The following ARHGAP15 variants were observed in gnomAD, a reference collection of about 807,000 sequenced individuals.
ARHGAP15 encodes rho GTPase-activating protein 15.
In ARHGAP15, 51 loss-of-function variants were observed where a neutral mutation model predicts 63.7. The ratio of observed to expected loss-of-function variants is 0.80; its 90% CI spans 0.64 to 1.01. The LOEUF (loss-of-function observed/expected upper bound fraction) is 1.01. Among genes scored for constraint, ARHGAP15 ranks in the 50% least tolerant of loss-of-function variants. The pLI, the probability that ARHGAP15 is intolerant of heterozygous loss-of-function variation, is 0.00. For missense variants in ARHGAP15, 560 were observed against 564.6 expected (o/e 0.99, Z 0.08); for synonymous variants, 191 against 193.8 (o/e 0.99, Z 0.12).
intron 11 of ARHGAP15, among the ~76,000 whole-genome samples, chr2:143,613,678 T>C (rs974691388): frequency 6.6e-6 from 1 of 152,218 alleles, no homozygotes; most frequent in Non-Finnish European, 1.5e-5. Context: ...CCTTTGTAAA[T>C]GCTAGCCATC....
chr2:143,233,645 TC>T (rs1388079489), intron 5 of ARHGAP15, among the ~76,000 whole-genome samples: 51 of 148,558 alleles, frequency 3.4e-4, no homozygotes, highest in African/African-American at 1.2e-3. Context: ...CCAATAGCTA[TC>T]TTTTTTTTTT....
chr2:143,549,143 A>G (rs2105069170), intron 10 of ARHGAP15, among the ~76,000 whole-genome samples: 1 of 152,272 alleles, frequency 6.6e-6, no homozygotes, highest in Admixed American at 6.5e-5. Context: ...TAATGAAAAT[A>G]ATATAATAGT....
At chr2:143,673,768 A>ATG (rs1682680232) in intron 12 of ARHGAP15, among the ~76,000 whole-genome samples, 2 of 98,272 alleles carry the variant, frequency 2.0e-5, no homozygotes, top group African/African-American at 5.9e-5. Context: ...GTATATATAT[A>ATG]TATATATATA....
chr2:143,133,191 C>G (rs969004126), intron 1 of ARHGAP15, among the ~76,000 whole-genome samples: 2 of 152,128 alleles, frequency 1.3e-5, no homozygotes, highest in Non-Finnish European at 2.9e-5. Flanking sequence ...TCAGGGAAAT[C>G]TAGCACTGGG....
chr2:143,674,815 G>A (rs549166062), intron 12 of ARHGAP15, among the ~76,000 whole-genome samples: 1 of 152,312 alleles, frequency 6.6e-6, no homozygotes, highest in Admixed American at 6.5e-5. Flanking sequence ...ACTTCAGTGA[G>A]TCATAATCTT....
intron 4 of ARHGAP15, among the ~76,000 whole-genome samples, chr2:143,222,912 CT>C (rs1274001326): frequency 6.6e-6 from 1 of 152,080 alleles, no homozygotes; most frequent in East Asian, 1.9e-4. Flanking sequence ...GTTAGCACCC[CT>C]TTTCCCCTTA....
intron 13 of ARHGAP15, among the ~76,000 whole-genome samples, chr2:143,710,658 G>A (rs1460438290): frequency 6.6e-6 from 1 of 152,138 alleles, no homozygotes; most frequent in African/African-American, 2.4e-5. Context: ...TATCATTGTT[G>A]TCTCTATTGT....
At chr2:143,751,792 G>T (rs968859444) in intron 13 of ARHGAP15, among the ~76,000 whole-genome samples, 1 of 152,148 alleles carries the variant, frequency 6.6e-6, no homozygotes, top group Non-Finnish European at 1.5e-5. Context: ...CAGAGAACTT[G>T]GAAGCCCTAT....
chr2:143,294,677 G>T (rs1682560285), intron 6 of ARHGAP15, among the ~76,000 whole-genome samples: 1 of 151,988 alleles, frequency 6.6e-6, no homozygotes. Context: ...TGTAGCCTTT[G>T]GGGGACAGCC....
At chr2:143,553,236 G>A (rs1439727340) in intron 10 of ARHGAP15, among the ~76,000 whole-genome samples, 2 of 152,090 alleles carry the variant, frequency 1.3e-5, no homozygotes, top group Non-Finnish European at 2.9e-5. Flanking sequence ...TTTGCAAAAT[G>A]TAATACCCTC....
At chr2:143,554,117 A>T (rs1695687540) in intron 10 of ARHGAP15, among the ~76,000 whole-genome samples, 1 of 152,184 alleles carries the variant, frequency 6.6e-6, no homozygotes, top group South Asian at 2.1e-4. Context: ...TTTATCTTTA[A>T]TCACTGTAAA....
At chr2:143,487,188 G>T (rs1266136479) in intron 8 of ARHGAP15, among the ~76,000 whole-genome samples, 185 bp from the exon 9 acceptor site, 1 of 152,200 alleles carries the variant, frequency 6.6e-6, no homozygotes, top group Non-Finnish European at 1.5e-5. Flanking sequence ...CATTCATGCT[G>T]CAACAACAGG....
intron 6 of ARHGAP15, among the ~76,000 whole-genome samples, chr2:143,263,428 C>T (rs1429910262): frequency 6.6e-6 from 1 of 152,116 alleles, no homozygotes; most frequent in Non-Finnish European, 1.5e-5. Flanking sequence ...CTGAAGGGGT[C>T]AGTATCTGCC....
chr2:143,638,836 A>G (rs1039082767), intron 12 of ARHGAP15, among the ~76,000 whole-genome samples: 1 of 152,066 alleles, frequency 6.6e-6, no homozygotes, highest in Non-Finnish European at 1.5e-5. Context: ...ATAACTGTCC[A>G]TATGATTACA....
intron 6 of ARHGAP15, among the ~76,000 whole-genome samples, chr2:143,388,058 C>G (rs1260208670): frequency 2.6e-5 from 4 of 152,306 alleles, no homozygotes; most frequent in East Asian, 1.9e-4. Context: ...CATATCAACA[C>G]TACTAAATAC....
chr2:143,415,786 A>G (rs940727872), intron 6 of ARHGAP15, among the ~76,000 whole-genome samples: 1 of 152,196 alleles, frequency 6.6e-6, no homozygotes, highest in Non-Finnish European at 1.5e-5. Context: ...ATGGAATACT[A>G]CTAAGCCATA....
intron 11 of ARHGAP15, among the ~76,000 whole-genome samples, chr2:143,616,504 C>T (rs1698453993): frequency 6.6e-6 from 1 of 152,144 alleles, no homozygotes; most frequent in South Asian, 2.1e-4. Context: ...ATGCACAAAA[C>T]CTCAAAGCAC....
intron 11 of ARHGAP15, among the ~76,000 whole-genome samples, chr2:143,578,821 T>C (rs1574657144): frequency 6.6e-6 from 1 of 152,320 alleles, no homozygotes; most frequent in East Asian, 1.9e-4. Flanking sequence ...ACTCTTCTGT[T>C]TGAATCTATT....
chr2:143,178,479 A>T (rs1691096091), intron 2 of ARHGAP15, among the ~76,000 whole-genome samples: 1 of 152,244 alleles, frequency 6.6e-6, no homozygotes, highest in Non-Finnish European at 1.5e-5. Context: ...ATCTAAAGTG[A>T]CATATAAATG....
Sources: allele counts gnomAD v4.1 joint callset (sites outside exome capture counted in the v4.1 genomes callset), GRCh38; gene constraint gnomAD v4.1.1; transcripts MANE v1.5; gene names NCBI Gene and HGNC (gene_info 2026-07-23, HGNC 2026-07-21).